The following NALCN variants were observed in gnomAD, a reference collection of about 807,000 sequenced individuals.
The protein encoded by NALCN is sodium leak channel, non-selective.
Under a neutral mutation model 225.3 loss-of-function variants are expected in NALCN, and 111 were observed. The observed-to-expected ratio is 0.49, with a 90% CI of 0.42 to 0.58. The LOEUF (loss-of-function observed/expected upper bound fraction) is 0.58. NALCN is among the 20% of genes least tolerant of loss of function. The probability of loss-of-function intolerance (pLI) is 0.00; values close to 1 mark genes in which losing one functional copy is unlikely to be tolerated. For synonymous variants in NALCN, 764 were observed against 769.0 expected, an observed-to-expected ratio of 0.99 and a Z score of 0.11; for missense variants, 1,378 against 2,202.4, an observed-to-expected ratio of 0.63 and a Z score of 7.49.
chr13:101,124,563 A>G (rs567716699), intron 18 of NALCN, 45 bp downstream of exon 18: 1 of 1,511,372 alleles, frequency 6.6e-7, no homozygotes. Context: ...CGATTAATAT[A>G]ATCCCACTTG....
chr13:101,176,841 G>A (rs1412995534), intron 14 of NALCN, among the ~76,000 whole-genome samples: 1 of 152,188 alleles, frequency 6.6e-6, no homozygotes, highest in Admixed American at 6.5e-5. Context: ...AAATTCCCAT[G>A]TGGTAGCTAC....
At chr13:101,291,080 T>C (rs2043535124) in intron 9 of NALCN, among the ~76,000 whole-genome samples, 1 of 152,206 alleles carries the variant, frequency 6.6e-6, no homozygotes, top group Non-Finnish European at 1.5e-5. Flanking sequence ...AGCAAATCTG[T>C]AGCCCACCTT....
chr13:101,131,762 G>A (rs2036531687), intron 17 of NALCN, among the ~76,000 whole-genome samples: 1 of 152,104 alleles, frequency 6.6e-6, no homozygotes, highest in African/African-American at 2.4e-5. Flanking sequence ...GGATTACCGA[G>A]TTTTATGGTA....
At chr13:101,201,447 C>T (rs1396005982) in intron 13 of NALCN, among the ~76,000 whole-genome samples, 1 of 152,118 alleles carries the variant, frequency 6.6e-6, no homozygotes, top group Non-Finnish European at 1.5e-5. Context: ...CAATATGTGG[C>T]CAGGGGTCAT....
rs866535796 is a variant in NALCN, at chr13:101,298,519, G to A, written c.800-6153C>T. 6.6e-5 allele frequency among the ~76,000 whole-genome samples: 10 copies of A among 152,114 alleles called. No individual in the cohort carries two copies. In the Middle Eastern group the frequency reaches 0.014, roughly 207 times the overall value. ...GTATTTTTAGTAGAGACAGGGTTTCGTCATGTTGGCCAGGCTGGCCTCGAA... is the reference window on the plus strand; with the variant it reads ...GTATTTTTAGTAGAGACAGGGTTTCATCATGTTGGCCAGGCTGGCCTCGAA... On this transcript the variant is annotated intron_variant, in intron 7 of 43. Coordinates refer to ENST00000251127, the MANE Select transcript of NALCN (RefSeq NM_052867.4).
chr13:101,229,113 T>C (rs918762393), intron 13 of NALCN, among the ~76,000 whole-genome samples: 10 of 152,192 alleles, frequency 6.6e-5, no homozygotes, highest in African/African-American at 2.4e-4. Flanking sequence ...TATTTTAATT[T>C]ATAGGTGCTA....
chr13:101,256,528 G>A (rs1471496545), intron 11 of NALCN, among the ~76,000 whole-genome samples: 1 of 152,088 alleles, frequency 6.6e-6, no homozygotes, highest in Admixed American at 6.6e-5. Context: ...GTCCTAAATG[G>A]ATCTTTAATG....
At chr13:101,268,034 G>A (rs1371173062) in intron 10 of NALCN, among the ~76,000 whole-genome samples, 1 of 152,122 alleles carries the variant, frequency 6.6e-6, no homozygotes, top group Non-Finnish European at 1.5e-5. Context: ...CTTTGAGAAA[G>A]GGTGTGCCTT....
chr13:101,176,813 G>T (rs915736745), intron 14 of NALCN, among the ~76,000 whole-genome samples: 6 of 152,170 alleles, frequency 3.9e-5, no homozygotes, highest in Admixed American at 6.5e-5. Flanking sequence ...TATGTGATAA[G>T]ATACATGCAG....
chr13:101,200,307 T>G (rs541973671), intron 13 of NALCN, among the ~76,000 whole-genome samples: 8 of 152,178 alleles, frequency 5.3e-5, no homozygotes, highest in Non-Finnish European at 1.2e-4. Context: ...ACATCTTTGG[T>G]TCATCTCATT....
intron 15 of NALCN, among the ~76,000 whole-genome samples, chr13:101,172,140 G>A (rs34387060): frequency 0.25 from 37,822 of 152,028 alleles, 5,454 homozygotes; most frequent in Non-Finnish European, 0.33. Flanking sequence ...GATGCACACG[G>A]AGGTTGCATA....
chr13:101,069,066 C>A (rs557529766), intron 37 of NALCN, among the ~76,000 whole-genome samples: 1 of 152,258 alleles, frequency 6.6e-6, no homozygotes, highest in Admixed American at 6.5e-5. Context: ...TTTAAAAGCA[C>A]AATGAAAATG....
chr13:101,376,565 G>T, intron 6 of NALCN, 135 bp downstream of exon 6: 1 of 751,178 alleles, frequency 1.3e-6, no homozygotes, highest in South Asian at 3.4e-5. Context: ...AAACAATACC[G>T]AGGAAGCAGA....
intron 39 of NALCN, among the ~76,000 whole-genome samples, chr13:101,065,899 C>T (rs987517472): frequency 3.9e-5 from 6 of 152,140 alleles, no homozygotes; most frequent in Admixed American, 6.5e-5. Flanking sequence ...GTCCCACAGA[C>T]GCCACCTCCA....
intron 1 of NALCN, among the ~76,000 whole-genome samples, chr13:101,402,586 G>A (rs1315007448): frequency 6.6e-6 from 1 of 152,080 alleles, no homozygotes; most frequent in Non-Finnish European, 1.5e-5. Context: ...AAAGTCTTTT[G>A]AATCTTCTCC....
At chr13:101,303,641 TTACA>T (rs1434875126) in intron 7 of NALCN, among the ~76,000 whole-genome samples, 1 of 152,140 alleles carries the variant, frequency 6.6e-6, no homozygotes, top group Non-Finnish European at 1.5e-5. Context: ...CAAGTACCCA[TTACA>T]TAATAGCACA....
intron 10 of NALCN, 34 bp from the exon 11 acceptor site, chr13:101,258,608 G>A (rs369329447): frequency 1.4e-5 from 23 of 1,613,320 alleles, no homozygotes; most frequent in Non-Finnish European, 1.8e-5. Flanking sequence ...TCTTAACAAA[G>A]AAATAAACCT....
rs186566500 is a variant in NALCN at position 101,070,105 on chromosome 13, C to T, written c.4198-1278G>A. 3.7e-4 allele frequency among the ~76,000 whole-genome samples: 48 copies of T among 130,844 alleles called. 1 individual carries two copies. In the East Asian group the frequency reaches 7.8e-3, roughly 21 times the overall value. The allele number at this position is 130,844 out of a possible 152,430, so 85.8% of individuals were successfully genotyped here. A position where few individuals can be genotyped will look rare whatever the true frequency, so the allele number is the denominator to read the frequency against. ...TTTTTGAGACGGAGTCTCACTCTGT[C>T]GCCCAGGCTGGAGTGCAGTGGTGCA... On this transcript the variant is annotated intron_variant, in intron 37 of 43. Transcript: ENST00000251127.
intron 3 of NALCN, among the ~76,000 whole-genome samples, chr13:101,387,227 CA>C (rs747159185): frequency 0.29 from 8,118 of 28,442 alleles, 508 homozygotes; most frequent in East Asian, 0.53. Flanking sequence ...GACTCCGTCT[CA>C]AAAAAAAAAA....
Sources: allele counts gnomAD v4.1 joint callset (sites outside exome capture counted in the v4.1 genomes callset), GRCh38; gene constraint gnomAD v4.1.1; transcripts MANE v1.5; gene names NCBI Gene and HGNC (gene_info 2026-07-23, HGNC 2026-07-21).